The following SULF1 variants were observed in gnomAD, a reference collection of about 807,000 sequenced individuals.
SULF1 encodes extracellular sulfatase Sulf-1.
Under a neutral mutation model 110.5 loss-of-function variants are expected in SULF1, and 46 were observed. The ratio of observed to expected loss-of-function variants is 0.42; its 90% confidence interval spans 0.33 to 0.53. The LOEUF (loss-of-function observed/expected upper bound fraction) is 0.53, where lower values mean the gene tolerates loss of function less well. Ranked by LOEUF, SULF1 falls within the 20% of genes least tolerant of loss-of-function variation. The probability of loss-of-function intolerance (pLI) is 0.12; values close to 1 mark genes in which losing one functional copy is unlikely to be tolerated. For synonymous variants in SULF1, 371 were observed against 387.1 expected, an observed-to-expected ratio of 0.96 and a Z score of 0.49; for missense variants, 941 against 1,094.2, an observed-to-expected ratio of 0.86 and a Z score of 1.98.
At position 69,640,131 on chromosome 8, in the gene SULF1, G is replaced by GA. The variant is rs1219645026; in HGVS notation, c.2552-675dup. On this transcript the variant is annotated intron_variant, in intron 21 of 22. Coordinates refer to ENST00000402687, the MANE Select transcript of SULF1 (RefSeq NM_001128205.2). ...AGAGAGGAAGGAAGAAAGGAAGGAAGAAGGAAGGAAGGAAGGAAAGAAAGA... is the reference window on the plus strand; with the variant it reads ...AGAGAGGAAGGAAGAAAGGAAGGAAGAAAGGAAGGAAGGAAGGAAAGAAAGA... Among the ~76,000 whole-genome samples, 570 of 148,368 alleles carry GA rather than the reference G, an allele frequency of 3.8e-3. 3 individuals carry two copies. Among genetic ancestry groups the GA allele is most frequent in the African/African-American group, 0.014 (545 of 39,956 alleles).
intron 3 of SULF1, among the ~76,000 whole-genome samples, chr8:69,519,964 A>G (rs1009613947): frequency 6.6e-6 from 1 of 152,174 alleles, no homozygotes; most frequent in African/African-American, 2.4e-5. Context: ...TTAATACAAC[A>G]TCTGTACAAG....
At position 69,643,409 on chromosome 8, in the gene SULF1, A is replaced by G. The variant is rs374101076; in HGVS notation, c.2585+2568A>G. Reference sequence around the variant, plus strand: ...TTCTTTTAGATTTTGACAGTTTTAGAAAACTAAAAAAAAAAAAAACAAGTT... The same window carrying G: ...TTCTTTTAGATTTTGACAGTTTTAGGAAACTAAAAAAAAAAAAAACAAGTT... On this transcript the variant is annotated intron_variant, in intron 22 of 22. Coordinates refer to ENST00000402687, the MANE Select transcript of SULF1 (RefSeq NM_001128205.2). Among the ~76,000 whole-genome samples, 1,250 of 147,670 alleles carry G rather than the reference A, an allele frequency of 8.5e-3. 17 individuals carry two copies. Among genetic ancestry groups the G allele is most frequent in the African/African-American group, 0.031 (1,175 of 38,368 alleles).
At chr8:69,622,201 A>C (rs1809665427) in intron 14 of SULF1, among the ~76,000 whole-genome samples, 1 of 152,248 alleles carries the variant, frequency 6.6e-6, no homozygotes, top group South Asian at 2.1e-4. Flanking sequence ...CAAAATACTA[A>C]GAATCTTTGA....
At chr8:69,586,011 C>T (rs992953932) in intron 6 of SULF1, among the ~76,000 whole-genome samples, 3 of 152,194 alleles carry the variant, frequency 2.0e-5, no homozygotes, top group Admixed American at 6.5e-5. Context: ...CCAAATCTCA[C>T]GCTACTTCTC....
chr8:69,499,725 A>G (rs1810655925), intron 2 of SULF1, among the ~76,000 whole-genome samples: 1 of 152,200 alleles, frequency 6.6e-6, no homozygotes, highest in Admixed American at 6.5e-5. Flanking sequence ...TAACAATTAA[A>G]TTATTATATG....
chr8:69,533,665 T>G (rs977621145), intron 3 of SULF1, among the ~76,000 whole-genome samples: 12 of 152,322 alleles, frequency 7.9e-5, no homozygotes, highest in Middle Eastern at 3.4e-3. Flanking sequence ...GATGGGCATT[T>G]GGGTCGATTC....
intron 1 of SULF1, among the ~76,000 whole-genome samples, chr8:69,494,260 T>C (rs969560718): frequency 2.9e-4 from 44 of 152,216 alleles, no homozygotes; most frequent in African/African-American, 1.0e-3. Context: ...TATGTATATG[T>C]TAGTGTGTAT....
chr8:69,491,630 C>T (rs900156202), upstream of SULF1, among the ~76,000 whole-genome samples: 2 of 152,228 alleles, frequency 1.3e-5, no homozygotes, highest in Admixed American at 6.5e-5. Context: ...TACACACCCT[C>T]ATGAACCTAT....
chr8:69,586,092 C>A (rs926141872), intron 6 of SULF1, among the ~76,000 whole-genome samples: 1 of 152,176 alleles, frequency 6.6e-6, no homozygotes, highest in Non-Finnish European at 1.5e-5. Flanking sequence ...GAAATGAATG[C>A]ACCCAGAGTG....
In SULF1 at chr8:69,597,839, G is replaced by A. The variant is rs946112545; in HGVS notation, c.735-2764G>A. Among the ~76,000 whole-genome samples, 20 of 152,296 alleles carry A rather than the reference G, an allele frequency of 1.3e-4. No homozygotes were observed. In the South Asian group the frequency reaches 4.1e-3, roughly 32 times the overall value. On this transcript the variant is annotated intron_variant, in intron 8 of 22. Transcript: ENST00000402687. The stretch of plus-strand genomic sequence containing the variant: ...AAGAAACCCTGTGTAATCTGTTATA[G>A]CTGTATTCTTTCTCAGGGCATGTAA...
intron 3 of SULF1, among the ~76,000 whole-genome samples, chr8:69,545,135 T>C (rs1372355045): frequency 6.7e-6 from 1 of 149,222 alleles, no homozygotes; most frequent in African/African-American, 2.5e-5. Context: ...CCTAATATTC[T>C]TTATTTGACC....
chr8:69,553,681 T>G (rs1814884205), intron 3 of SULF1, among the ~76,000 whole-genome samples: 1 of 152,246 alleles, frequency 6.6e-6, no homozygotes. Context: ...TTGCTGTGTT[T>G]GGCTAATCCA....
In SULF1 at chr8:69,502,087, G is replaced by A. The variant is rs545525079; in HGVS notation, c.-134+119G>A. 3.3e-5 allele frequency: 5 copies of A among 152,312 alleles called. No homozygotes were observed. The South Asian group carries it at 1.0e-3, about 32-fold the overall frequency. 9.4% of individuals were successfully genotyped at this position (152,312 alleles called of 1,614,324 possible). A position where few individuals can be genotyped will look rare whatever the true frequency, so the allele number is the denominator to read the frequency against. ...GTTAAGAACTGGCAGAAACTGAAAA[G>A]TCAATGGTCCTCTACCTTCCCATCA... is the stretch of plus-strand genomic sequence containing the variant. On this transcript the variant is annotated intron_variant, in intron 3 of 22. Transcript: ENST00000402687.
chr8:69,542,972 C>T (rs1368665993), intron 3 of SULF1, among the ~76,000 whole-genome samples: 2 of 152,082 alleles, frequency 1.3e-5, no homozygotes, highest in Non-Finnish European at 2.9e-5. Context: ...CTTGTGAGAC[C>T]AGAGGACACC....
At chr8:69,631,831 C>G (rs1407043479) in intron 19 of SULF1, among the ~76,000 whole-genome samples, 2 of 152,258 alleles carry the variant, frequency 1.3e-5, no homozygotes, top group Non-Finnish European at 2.9e-5. Context: ...GACACCCTCT[C>G]TGTGCCTCAG....
At chr8:69,566,933 A>T (rs997611171) in intron 5 of SULF1, among the ~76,000 whole-genome samples, 17 of 152,242 alleles carry the variant, frequency 1.1e-4, no homozygotes, top group African/African-American at 3.9e-4. Context: ...TAGGTATGAG[A>T]AAAATGAGGC....
intron 19 of SULF1, among the ~76,000 whole-genome samples, chr8:69,636,074 C>T (rs990284002): frequency 6.6e-6 from 1 of 152,126 alleles, no homozygotes; most frequent in Non-Finnish European, 1.5e-5. Flanking sequence ...ATGCTCATTA[C>T]GTGTACCTAT....
At chr8:69,486,322 TAAA>T (rs57385713) in intron 1 of SULF1, among the ~76,000 whole-genome samples, 3,066 of 150,228 alleles carry the variant, frequency 0.02, 82 homozygotes, top group African/African-American at 0.064. Flanking sequence ...AGGCTTTTTT[TAAA>T]AAAAAAAAAT....
At chr8:69,506,581 TCTC>T (rs758351542) in intron 3 of SULF1, among the ~76,000 whole-genome samples, 5 of 152,156 alleles carry the variant, frequency 3.3e-5, no homozygotes, top group Non-Finnish European at 7.3e-5. Flanking sequence ...CAGGCTCCTC[TCTC>T]CTCCCATCTG....
Sources: gnomAD v4.1 joint callset for allele counts (sites outside exome capture counted in the v4.1 genomes callset) on GRCh38, gnomAD v4.1.1 for gene constraint, MANE v1.5 for transcripts, NCBI Gene and HGNC (gene_info 2026-07-23, HGNC 2026-07-21) for gene names.